PRKAR2B: variants seen among roughly 807,000 people sequenced by gnomAD.
PRKAR2B encodes cAMP-dependent protein kinase type II-beta regulatory subunit.
Under a neutral mutation model 49.9 loss-of-function variants are expected in PRKAR2B, and 14 were observed. That is an observed-to-expected ratio of 0.28 (90% CI 0.19 to 0.44). The LOEUF is 0.44. Ranked by LOEUF, PRKAR2B falls within the 20% of genes least tolerant of loss-of-function variation. The pLI is 1.00. For missense variants in PRKAR2B, 393 were observed against 537.9 expected (o/e 0.73, Z 2.67); for synonymous variants, 196 against 197.7 (o/e 0.99, Z 0.07).
intron 2 of PRKAR2B, among the ~76,000 whole-genome samples, chr7:107,098,088 A>G (rs1794880826): frequency 6.6e-6 from 1 of 152,208 alleles, no homozygotes; most frequent in Non-Finnish European, 1.5e-5. Flanking sequence ...TCTCCTGGAT[A>G]ATATCCTGAA....
intron 2 of PRKAR2B, among the ~76,000 whole-genome samples, chr7:107,073,196 C>G (rs192663865): frequency 3.4e-4 from 52 of 152,156 alleles, no homozygotes; most frequent in African/African-American, 1.2e-3. Flanking sequence ...AAACATTTCC[C>G]CTTTGGATAC....
At chr7:107,113,114 T>C (rs1427825853) in intron 2 of PRKAR2B, among the ~76,000 whole-genome samples, 4 of 152,224 alleles carry the variant, frequency 2.6e-5, no homozygotes, top group Non-Finnish European at 5.9e-5. Context: ...CTGATACGTG[T>C]ATGCTAGGCA....
intron 2 of PRKAR2B, among the ~76,000 whole-genome samples, chr7:107,087,507 T>A (rs1310794431): frequency 6.6e-6 from 1 of 152,154 alleles, no homozygotes; most frequent in Admixed American, 6.6e-5. Flanking sequence ...ATTAAATCAT[T>A]TTATTATTTA....
At chr7:107,144,642 G>A (rs1467329198) in intron 5 of PRKAR2B, among the ~76,000 whole-genome samples, 2 of 151,090 alleles carry the variant, frequency 1.3e-5, no homozygotes, top group African/African-American at 4.9e-5. Context: ...TTGGTTTTTT[G>A]TAGAGACAGA....
intron 3 of PRKAR2B, among the ~76,000 whole-genome samples, chr7:107,124,236 A>G (rs1198379539): frequency 6.6e-6 from 1 of 152,230 alleles, no homozygotes; most frequent in Non-Finnish European, 1.5e-5. Context: ...TGTAAGGGTT[A>G]TCTAGATCTA....
In PRKAR2B at chr7:107,154,247, C is replaced by CA. The variant is rs1480200545; in HGVS notation, c.918+1001dup. ...ATAATTATAGATTCACAGGAAGTTG[C>CA]AAAAATAGTTTTGAGAGGTCCCGTG... On this transcript the variant is annotated intron_variant, in intron 8 of 10. Coordinates refer to ENST00000265717, the MANE Select transcript of PRKAR2B (RefSeq NM_002736.3). 2.6e-4 allele frequency among the ~76,000 whole-genome samples: 40 copies of CA among 152,236 alleles called. No homozygotes were observed. In the East Asian group the frequency reaches 7.5e-3, roughly 29 times the overall value.
chr7:107,151,218 A>G (rs1795981335), intron 7 of PRKAR2B, among the ~76,000 whole-genome samples, 195 bp downstream of exon 7: 1 of 152,134 alleles, frequency 6.6e-6, no homozygotes, highest in Admixed American at 6.5e-5. Context: ...TTGTTTTGTT[A>G]TTTGAAAGTA....
At chr7:107,078,491 A>G (rs1794451965) in intron 2 of PRKAR2B, among the ~76,000 whole-genome samples, 1 of 152,138 alleles carries the variant, frequency 6.6e-6, no homozygotes, top group Admixed American at 6.5e-5. Flanking sequence ...GATGGAAGCC[A>G]TTTAGGGGGC....
At chr7:107,110,380 G>A (rs1379713137) in intron 2 of PRKAR2B, among the ~76,000 whole-genome samples, 2 of 152,012 alleles carry the variant, frequency 1.3e-5, no homozygotes, top group African/African-American at 4.8e-5. Flanking sequence ...GTGCTGATGT[G>A]GGCTCAGAGC....
chr7:107,153,423 T>G (rs751324468), intron 8 of PRKAR2B, among the ~76,000 whole-genome samples, 172 bp downstream of exon 8: 15 of 152,242 alleles, frequency 9.9e-5, no homozygotes, highest in Non-Finnish European at 2.2e-4. Context: ...TAGTCATTAC[T>G]CTATTGAATA....
intron 2 of PRKAR2B, among the ~76,000 whole-genome samples, chr7:107,094,521 ACTTG>A: frequency 6.6e-6 from 1 of 152,102 alleles, no homozygotes; most frequent in Non-Finnish European, 1.5e-5. Flanking sequence ...CTTAGATGGC[ACTTG>A]TTTGTTTTGG....
chr7:107,114,255 T>C (rs757372569), intron 2 of PRKAR2B, among the ~76,000 whole-genome samples: 61 of 151,166 alleles, frequency 4.0e-4, no homozygotes, highest in Non-Finnish European at 6.9e-4. Context: ...GTTTTTCCTT[T>C]GGAGGCATTT....
intron 5 of PRKAR2B, 111 bp from the exon 6 acceptor site, chr7:107,146,197 G>C: frequency 1.8e-6 from 2 of 1,108,480 alleles, no homozygotes; most frequent in Non-Finnish European, 2.6e-6. Flanking sequence ...CATCGGAGGG[G>C]ATAACAGGCT....
chr7:107,065,409 G>A (rs1794120220), intron 1 of PRKAR2B, among the ~76,000 whole-genome samples: 1 of 150,128 alleles, frequency 6.7e-6, no homozygotes, highest in Admixed American at 6.7e-5. Context: ...CAGGGCTCTT[G>A]TTTCTTTAAC....
chr7:107,112,458 CA>C (rs949875603), intron 2 of PRKAR2B, among the ~76,000 whole-genome samples: 1 of 151,720 alleles, frequency 6.6e-6, no homozygotes, highest in Non-Finnish European at 1.5e-5. Flanking sequence ...AAATTTCCAA[CA>C]AAAAAACACA....
chr7:107,048,659 G>A (rs902004294), intron 1 of PRKAR2B, among the ~76,000 whole-genome samples: 3 of 152,146 alleles, frequency 2.0e-5, no homozygotes, highest in African/African-American at 7.2e-5. Flanking sequence ...GCCAGGGGTC[G>A]GTGATTTTTG....
At chr7:107,056,551 C>G (rs1005756810) in intron 1 of PRKAR2B, among the ~76,000 whole-genome samples, 5 of 152,040 alleles carry the variant, frequency 3.3e-5, no homozygotes, top group Non-Finnish European at 7.4e-5. Context: ...AAGTTGATTC[C>G]TAGGTATTTT....
At chr7:107,101,328 A>T (rs1794962257) in intron 2 of PRKAR2B, among the ~76,000 whole-genome samples, 1 of 151,932 alleles carries the variant, frequency 6.6e-6, no homozygotes, top group African/African-American at 2.4e-5. Context: ...GGGCAATGGG[A>T]CTTGTGTGAG....
intron 2 of PRKAR2B, among the ~76,000 whole-genome samples, chr7:107,094,122 C>G (rs1794789909): frequency 6.6e-6 from 1 of 152,184 alleles, no homozygotes; most frequent in African/African-American, 2.4e-5. Context: ...GTTTACAGTC[C>G]CACCAACAGT....
Sources: gnomAD v4.1 joint callset for allele counts (sites outside exome capture counted in the v4.1 genomes callset) on GRCh38, gnomAD v4.1.1 for gene constraint, MANE v1.5 for transcripts, NCBI Gene and HGNC (gene_info 2026-07-23, HGNC 2026-07-21) for gene names.